The following GNAT3 variants were observed in gnomAD, a reference collection of about 807,000 sequenced individuals.
GNAT3 encodes G protein subunit alpha transducin 3, also known as guanine nucleotide-binding protein G(t) subunit alpha-3.
GNAT3 carries 31 observed loss-of-function variants against 37.7 expected under a neutral mutation model. The observed-to-expected ratio is 0.82, with a 90% CI of 0.62 to 1.11. The LOEUF is 1.11. GNAT3 is among the 50% of genes most tolerant of loss of function. GNAT3 has a pLI of 0.00. For synonymous variants in GNAT3, 138 were observed against 139.8 expected, an observed-to-expected ratio of 0.99 and a Z score of 0.09; for missense variants, 437 against 412.5, an observed-to-expected ratio of 1.06 and a Z score of -0.51.
intron 1 of GNAT3, among the ~76,000 whole-genome samples, chr7:80,497,565 C>T (rs1489560059): frequency 2.2e-5 from 3 of 137,886 alleles, no homozygotes; most frequent in South Asian, 2.3e-4. Context: ...TATACATATA[C>T]GTATATACAT....
chr7:80,493,309 A>C (rs1790629524), intron 2 of GNAT3, among the ~76,000 whole-genome samples: 2 of 152,166 alleles, frequency 1.3e-5, no homozygotes, highest in South Asian at 4.1e-4. Flanking sequence ...GATGGTCCTA[A>C]AAACTCAAAA....
chr7:80,479,482 G>A, intron 3 of GNAT3, among the ~76,000 whole-genome samples: 1 of 151,886 alleles, frequency 6.6e-6, no homozygotes. Context: ...CACTTAGGGA[G>A]GCCGAGGTGG....
intron 3 of GNAT3, chr7:80,486,554 C>T (rs1790485282): frequency 6.6e-6 from 1 of 151,296 alleles, no homozygotes; most frequent in African/African-American, 2.4e-5. Flanking sequence ...AAGTGAATCT[C>T]CCACCTCAGC....
intron 1 of GNAT3, among the ~76,000 whole-genome samples, chr7:80,507,285 C>G (rs750664860): frequency 6.6e-6 from 1 of 151,700 alleles, no homozygotes; most frequent in African/African-American, 2.4e-5. Context: ...AGAAACAACT[C>G]TAGTTTCCTG....
chr7:80,464,433 T>G (rs1790100710), intron 5 of GNAT3, among the ~76,000 whole-genome samples: 1 of 152,118 alleles, frequency 6.6e-6, no homozygotes, highest in East Asian at 1.9e-4. Flanking sequence ...CAGCCAGCAG[T>G]GGATTTACTG....
In GNAT3 at chr7:80,462,262, C is replaced by CT; in HGVS notation, c.770dup (p.Tyr258ValfsTer27). On this transcript the variant is annotated frameshift_variant, in exon 7 of 8. Transcript: ENST00000398291. LOFTEE classifies it high-confidence loss of function. ...GGACAATGGAGGTTGTTGAAAAATA[C>CT]TTGTGATTACAGATACTGTTGAACA... is the stretch of plus-strand genomic sequence containing the variant. 1 of 1,612,584 alleles carries CT rather than the reference C, an allele frequency of 6.2e-7. No individual in the cohort carries two copies. Among genetic ancestry groups the CT allele is most frequent in the Non-Finnish European group, 8.5e-7 (1 of 1,178,926 alleles).
chr7:80,470,643 G>A (rs1790198631), intron 5 of GNAT3, among the ~76,000 whole-genome samples: 1 of 152,022 alleles, frequency 6.6e-6, no homozygotes, highest in African/African-American at 2.4e-5. Context: ...GCTTCATAAG[G>A]ATCAATAATA....
At chr7:80,511,177 GA>G (rs918310679) in intron 1 of GNAT3, among the ~76,000 whole-genome samples, 3 of 148,566 alleles carry the variant, frequency 2.0e-5, no homozygotes, top group Non-Finnish European at 3.0e-5. Flanking sequence ...TTGAAAGAAG[GA>G]AAAAAAAATA....
intron 3 of GNAT3, among the ~76,000 whole-genome samples, chr7:80,488,149 T>C (rs1451952388): frequency 6.6e-6 from 1 of 152,156 alleles, no homozygotes; most frequent in Non-Finnish European, 1.5e-5. Context: ...TTATAATTGT[T>C]ATGTTATTAA....
intron 1 of GNAT3, among the ~76,000 whole-genome samples, chr7:80,500,914 C>T (rs56021711): frequency 6.6e-6 from 1 of 151,540 alleles, no homozygotes; most frequent in Non-Finnish European, 1.5e-5. Context: ...TCTCTTTTTG[C>T]ATTTTATGTA....
intron 1 of GNAT3, among the ~76,000 whole-genome samples, chr7:80,505,398 C>T (rs1790914238): frequency 6.6e-6 from 1 of 152,128 alleles, no homozygotes; most frequent in African/African-American, 2.4e-5. Context: ...GACAGAGTCT[C>T]ACTCTGTGCC....
At chr7:80,474,667 C>T (rs774336882) in intron 4 of GNAT3, among the ~76,000 whole-genome samples, 1 of 152,078 alleles carries the variant, frequency 6.6e-6, no homozygotes, top group Non-Finnish European at 1.5e-5. Flanking sequence ...CAGCTGACCC[C>T]CAGCGTCCTC....
chr7:80,493,363 A>G (rs1790630569), intron 2 of GNAT3, among the ~76,000 whole-genome samples: 1 of 152,168 alleles, frequency 6.6e-6, no homozygotes, highest in Non-Finnish European at 1.5e-5. Context: ...TCTGTTCTTC[A>G]GAGACAGTAG....
intron 7 of GNAT3, among the ~76,000 whole-genome samples, chr7:80,460,984 T>A (rs1790039322): frequency 6.7e-6 from 1 of 150,112 alleles, no homozygotes; most frequent in South Asian, 2.1e-4. Context: ...GTTATATATA[T>A]AATATAAAAC....
At chr7:80,467,401 A>G (rs1330516929) in intron 5 of GNAT3, among the ~76,000 whole-genome samples, 10 of 152,244 alleles carry the variant, frequency 6.6e-5, no homozygotes, top group African/African-American at 2.4e-4. Context: ...ATCTGCTATT[A>G]TTGAACTGAA....
intron 5 of GNAT3, among the ~76,000 whole-genome samples, chr7:80,472,053 A>C (rs1358224021): frequency 6.6e-6 from 1 of 152,118 alleles, no homozygotes; most frequent in African/African-American, 2.4e-5. Flanking sequence ...AGCCTCCAGG[A>C]GCTCGGGGGC....
chr7:80,496,925 C>T (rs1458610526), intron 1 of GNAT3, among the ~76,000 whole-genome samples: 1 of 151,804 alleles, frequency 6.6e-6, no homozygotes, highest in South Asian at 2.1e-4. Flanking sequence ...AGCTGTCCAC[C>T]TTATGTGATA....
At chr7:80,492,992 T>C (rs1046504878) in intron 2 of GNAT3, among the ~76,000 whole-genome samples, 2 of 152,092 alleles carry the variant, frequency 1.3e-5, no homozygotes, top group African/African-American at 4.8e-5. Context: ...TTATGTATAT[T>C]GGGAAGCTTA....
chr7:80,474,258 G>A lies in GNAT3; in HGVS notation c.583C>T (p.His195Tyr), dbSNP rs752409250. Residue 195 changes from histidine (H) to tyrosine (Y), a missense_variant, in exon 5 of 8, where the codon CAC becomes TAC. Transcript: ENST00000398291. ...IETQFSFKDLHFRMFDVGGQR... is the reference protein window; with the variant it reads ...IETQFSFKDLYFRMFDVGGQR... ...AAAGATATTTGATCATACCTGAAGT[G>A]CAAGTCTTTAAAGGAGAATTGAGTT... 2.5e-6 allele frequency: 4 copies of A among 1,603,534 alleles called. No homozygotes were observed. Among genetic ancestry groups the A allele is most frequent in the East Asian group, 2.2e-5 (1 of 44,618 alleles).
Sources: allele counts gnomAD v4.1 joint callset (sites outside exome capture counted in the v4.1 genomes callset), GRCh38; gene constraint gnomAD v4.1.1; transcripts MANE v1.5; gene names NCBI Gene and HGNC (gene_info 2026-07-23, HGNC 2026-07-21).